TTC39B: variants seen among roughly 807,000 people sequenced by gnomAD.
The protein encoded by TTC39B is tetratricopeptide repeat domain 39B.
Under a neutral mutation model 96.6 loss-of-function variants are expected in TTC39B, and 92 were observed. The ratio of observed to expected loss-of-function variants is 0.95; its 90% CI spans 0.80 to 1.13. TTC39B has a LOEUF of 1.13. Ranked by LOEUF, TTC39B falls within the 50% of genes most tolerant of loss-of-function variation. TTC39B has a pLI of 0.00. For missense variants in TTC39B, 955 were observed against 809.3 expected (o/e 1.18, Z -2.18); for synonymous variants, 367 against 299.4 (o/e 1.23, Z -2.33).
In TTC39B at chr9:15,177,693, T is replaced by A; in HGVS notation, c.1841+4A>T. On this transcript the variant is annotated splice_donor_region_variant and intron_variant, in intron 18 of 19. Transcript: ENST00000512701. ...CTTGGGCTGGTTTTATTGTTTGGTC[T>A]TACCTTTCCACAACATGATTGTAAC... The A allele has an allele frequency of 6.3e-7, 1 of 1,599,868 alleles. No homozygotes were observed. Among genetic ancestry groups the A allele is most frequent in the Non-Finnish European group, 8.5e-7 (1 of 1,173,026 alleles).
At chr9:15,163,716 G>T (rs1426113883) in exon 20 of TTC39B, 1 of 152,136 alleles carries the variant, frequency 6.6e-6, no homozygotes, top group African/African-American at 2.4e-5. Context: ...GAGAAAATCT[G>T]GCAAATTAAA....
intron 1 of TTC39B, among the ~76,000 whole-genome samples, chr9:15,273,204 G>T (rs1342251722): frequency 1.3e-5 from 2 of 152,184 alleles, no homozygotes; most frequent in East Asian, 3.8e-4. Flanking sequence ...AGAGAACAAA[G>T]AGTAAAGATG....
intron 2 of TTC39B, among the ~76,000 whole-genome samples, chr9:15,236,848 T>C (rs1474729305): frequency 1.3e-5 from 2 of 152,180 alleles, no homozygotes; most frequent in Non-Finnish European, 2.9e-5. Flanking sequence ...GTTTATAGCA[T>C]TAATTAAACG....
chr9:15,190,271 T>C lies in TTC39B; in HGVS notation c.1105+283A>G, dbSNP rs577485995. 1.8e-3 allele frequency among the ~76,000 whole-genome samples: 271 copies of C among 152,346 alleles called. 1 individual carries two copies. The highest frequency in any genetic ancestry group is 3.0e-3 in the Non-Finnish European group (202 of 68,034). On this transcript the variant is annotated intron_variant, in intron 11 of 19. Transcript: ENST00000512701. Reference sequence around the variant, plus strand: ...AAAAAAGTAAACAGATATGAACTACTAGCTCTTGCTGATCTTTCTAAATTT... The same window carrying C: ...AAAAAAGTAAACAGATATGAACTACCAGCTCTTGCTGATCTTTCTAAATTT...
At chr9:15,177,795 C>T in exon 18 of TTC39B, 1 of 1,605,558 alleles carries the variant, frequency 6.2e-7, no homozygotes. Flanking sequence ...ACTCATCATC[C>T]ACAGAGAAGC....
chr9:15,246,024 C>T (rs745786684), intron 2 of TTC39B, among the ~76,000 whole-genome samples: 8 of 152,116 alleles, frequency 5.3e-5, no homozygotes, highest in Non-Finnish European at 1.0e-4. Context: ...GAGGCCCAGG[C>T]GGGCAGATCA....
chr9:15,287,100 G>C (rs1824000987), intron 1 of TTC39B, among the ~76,000 whole-genome samples: 1 of 152,182 alleles, frequency 6.6e-6, no homozygotes, highest in South Asian at 2.1e-4. Context: ...TGAGGATATT[G>C]GGGGTCTGCT....
intron 8 of TTC39B, among the ~76,000 whole-genome samples, chr9:15,197,817 T>C (rs1819261821): frequency 6.6e-6 from 1 of 151,584 alleles, no homozygotes; most frequent in African/African-American, 2.4e-5. Flanking sequence ...CAGGCTTTAA[T>C]ACAATAGGAC....
At chr9:15,282,833 A>G (rs1425439737) in intron 1 of TTC39B, among the ~76,000 whole-genome samples, 1 of 141,782 alleles carries the variant, frequency 7.1e-6, no homozygotes, top group Non-Finnish European at 1.6e-5. Context: ...CACAGAGTCC[A>G]GCTTCAGAAT....
chr9:15,253,751 T>A (rs1022231121), intron 2 of TTC39B, among the ~76,000 whole-genome samples: 7 of 152,202 alleles, frequency 4.6e-5, no homozygotes, highest in African/African-American at 1.7e-4. Flanking sequence ...GAAATGGGCT[T>A]GTAAGGGTTT....
intron 13 of TTC39B, among the ~76,000 whole-genome samples, chr9:15,188,642 T>G (rs1019770653): frequency 6.6e-6 from 1 of 152,160 alleles, no homozygotes; most frequent in Non-Finnish European, 1.5e-5. Context: ...GTGGATAAAT[T>G]TGTAAACTAG....
rs1174714919 is a variant in TTC39B at position 15,166,982 on chromosome 9, TTATATATA to T, written c.*5029_*5036del. 9.6e-3 allele frequency: 195 copies of T among 20,234 alleles called. 5 individuals carry two copies. The highest frequency in any genetic ancestry group is 0.023 in the Middle Eastern group (1 of 44). 1.3% of individuals were successfully genotyped at this position (20,234 alleles called of 1,614,324 possible). A position where few individuals can be genotyped will look rare whatever the true frequency, so the allele number is the denominator to read the frequency against. On this transcript the variant is annotated 3_prime_UTR_variant, in exon 20 of 20. Coordinates refer to ENST00000512701, the Ensembl canonical transcript of TTC39B. ...TAACATGTGTCCACAAACCTTTATT[TTATATATA>T]TATATATATATATATATATATATAT...
chr9:15,196,957 T>C (rs1819205741), intron 8 of TTC39B, among the ~76,000 whole-genome samples: 2 of 152,206 alleles, frequency 1.3e-5, no homozygotes, highest in Non-Finnish European at 2.9e-5. Context: ...GCCATCAACA[T>C]GGATGCAAGA....
intron 2 of TTC39B, among the ~76,000 whole-genome samples, chr9:15,231,636 T>G (rs7866474): frequency 0.015 from 2,251 of 152,318 alleles, 49 homozygotes; most frequent in African/African-American, 0.05. Flanking sequence ...GCTATCTTTG[T>G]TTATACTTTT....
chr9:15,258,037 G>T (rs1175766418), intron 2 of TTC39B, among the ~76,000 whole-genome samples: 1 of 151,590 alleles, frequency 6.6e-6, no homozygotes, highest in Non-Finnish European at 1.5e-5. Context: ...TCCAGCCTGG[G>T]CAATAAGAGC....
chr9:15,281,954 A>ACACAAAGT (rs1823783106), intron 1 of TTC39B, among the ~76,000 whole-genome samples: 2 of 152,210 alleles, frequency 1.3e-5, no homozygotes, highest in Non-Finnish European at 2.9e-5. Context: ...TTGAGATTAC[A>ACACAAAGT]GGCATGAGCC....
intron 2 of TTC39B, among the ~76,000 whole-genome samples, chr9:15,251,959 C>G (rs1222605959): frequency 6.6e-6 from 1 of 151,736 alleles, no homozygotes. Flanking sequence ...GGAGCAGAGC[C>G]CACAAGGTCC....
rs140423028 is a variant in TTC39B at position 15,227,856 on chromosome 9, C to T, written c.276-1844G>A. ...CCCAATATTGAAATTTTTACTTAGT[C>T]GTAACTATCACCCTTTTCTTTAACA... On this transcript the variant is annotated intron_variant, in intron 2 of 19. Transcript: ENST00000512701. 6.8e-3 allele frequency among the ~76,000 whole-genome samples: 1,032 copies of T among 152,204 alleles called. 16 individuals carry two copies. Among genetic ancestry groups the T allele is most frequent in the Non-Finnish European group, 8.8e-3 (597 of 68,012 alleles).
intron 1 of TTC39B, among the ~76,000 whole-genome samples, chr9:15,270,762 A>C (rs1823319211): frequency 6.8e-6 from 1 of 147,414 alleles, no homozygotes; most frequent in South Asian, 2.2e-4. Flanking sequence ...AAAAAAAAAA[A>C]CACGATTTCA....
Sources: gnomAD v4.1 joint callset for allele counts (sites outside exome capture counted in the v4.1 genomes callset) on GRCh38, gnomAD v4.1.1 for gene constraint, MANE v1.5 for transcripts, NCBI Gene and HGNC (gene_info 2026-07-23, HGNC 2026-07-21) for gene names.